Variants in SLC14A2 observed in about 807,000 individuals in gnomAD.
The protein encoded by SLC14A2 is urea transporter 2.
A neutral mutation model predicts 104.6 loss-of-function variants in SLC14A2; 91 were observed. That is an observed-to-expected ratio of 0.87 (90% CI 0.73 to 1.04). SLC14A2 has a LOEUF of 1.04. Ranked by LOEUF, SLC14A2 falls within the 50% of genes least tolerant of loss-of-function variation. The pLI is 0.00. For missense variants in SLC14A2, 1,189 were observed against 1,156.0 expected (o/e 1.03, Z -0.41); for synonymous variants, 476 against 466.4 (o/e 1.02, Z -0.27).
chr18:45,618,469 G>C (rs1003703645), intron 1 of SLC14A2, among the ~76,000 whole-genome samples: 13 of 151,984 alleles, frequency 8.6e-5, no homozygotes, highest in Non-Finnish European at 1.9e-4. Flanking sequence ...AGGAGTTCAG[G>C]ACCAGCCTGG....
chr18:45,238,782 C>T (rs981535975), intron 1 of SLC14A2, among the ~76,000 whole-genome samples: 1 of 152,138 alleles, frequency 6.6e-6, no homozygotes, highest in Non-Finnish European at 1.5e-5. Flanking sequence ...GGGATAGAGG[C>T]ACATTGTTGT....
chr18:45,489,947 T>C (rs998772212), intron 2 of SLC14A2: 3 of 151,984 alleles, frequency 2.0e-5, no homozygotes, highest in Non-Finnish European at 4.4e-5. Flanking sequence ...ACCTGACAGG[T>C]GAGGAAACTG....
intron 1 of SLC14A2, among the ~76,000 whole-genome samples, chr18:45,406,919 G>T (rs990811418): frequency 3.3e-5 from 5 of 152,196 alleles, no homozygotes; most frequent in Non-Finnish European, 5.9e-5. Flanking sequence ...AGGCTTTGTA[G>T]TTCCACTGAT....
intron 1 of SLC14A2, among the ~76,000 whole-genome samples, chr18:45,362,114 T>G (rs906127151): frequency 6.6e-6 from 1 of 152,262 alleles, no homozygotes; most frequent in Non-Finnish European, 1.5e-5. Flanking sequence ...TATCATGGTT[T>G]AAAAGTGTAG....
intron 1 of SLC14A2, among the ~76,000 whole-genome samples, chr18:45,301,214 C>T (rs146482781): frequency 1.8e-3 from 276 of 152,274 alleles, no homozygotes; most frequent in African/African-American, 6.2e-3. Context: ...TCAGTGAGGA[C>T]GAGGAACTCG....
At chr18:45,175,908 G>T in the SLC14A2 span, among the ~76,000 whole-genome samples, 2 of 152,168 alleles carry the variant, frequency 1.3e-5, no homozygotes, top group Non-Finnish European at 2.9e-5. Flanking sequence ...GGGGCTGATT[G>T]CTTCTTCAAG....
the SLC14A2 span, among the ~76,000 whole-genome samples, chr18:45,196,350 G>A: frequency 6.6e-6 from 1 of 152,172 alleles, no homozygotes; most frequent in African/African-American, 2.4e-5. Flanking sequence ...TCGCATGTAT[G>A]TACTAGGTCA....
chr18:45,438,525 AAGAG>A (rs746698131), intron 1 of SLC14A2, among the ~76,000 whole-genome samples: 5 of 152,150 alleles, frequency 3.3e-5, no homozygotes, highest in African/African-American at 4.8e-5. Context: ...GTGAGAGCAA[AAGAG>A]AGAGAGAAGG....
chr18:45,470,817 T>C (rs1021448644), intron 1 of SLC14A2, among the ~76,000 whole-genome samples: 3 of 152,172 alleles, frequency 2.0e-5, no homozygotes, highest in African/African-American at 7.2e-5. Context: ...CTTATACTTT[T>C]TAATAAACAT....
At chr18:45,213,678 T>G (rs1478779658) in intron 1 of SLC14A2, among the ~76,000 whole-genome samples, 2 of 152,182 alleles carry the variant, frequency 1.3e-5, no homozygotes, top group Non-Finnish European at 2.9e-5. Context: ...TAAATCTTAT[T>G]GATTGGTTAA....
At chr18:45,515,775 A>G (rs2043432025) in intron 2 of SLC14A2, among the ~76,000 whole-genome samples, 1 of 152,236 alleles carries the variant, frequency 6.6e-6, no homozygotes, top group Non-Finnish European at 1.5e-5. Context: ...TGGTGCAATC[A>G]TTGGGTTTGT....
At chr18:45,676,295 G>A (rs1012688332) in intron 18 of SLC14A2, among the ~76,000 whole-genome samples, 3 of 152,156 alleles carry the variant, frequency 2.0e-5, no homozygotes, top group African/African-American at 7.2e-5. Context: ...ACATAGGATC[G>A]GAGCAGGTGG....
chr18:45,418,496 T>A (rs1286517038), intron 1 of SLC14A2, among the ~76,000 whole-genome samples: 2 of 151,672 alleles, frequency 1.3e-5, no homozygotes, highest in Non-Finnish European at 2.9e-5. Flanking sequence ...GACATATGAG[T>A]GTTTGGTAGA....
chr18:45,356,109 TATC>T (rs1240895589), intron 1 of SLC14A2, among the ~76,000 whole-genome samples: 2 of 152,178 alleles, frequency 1.3e-5, no homozygotes, highest in Non-Finnish European at 2.9e-5. Flanking sequence ...CAGACTACCT[TATC>T]ATTGACTGAA....
chr18:45,347,961 C>T (rs892776519), intron 1 of SLC14A2, among the ~76,000 whole-genome samples: 2 of 152,192 alleles, frequency 1.3e-5, no homozygotes, highest in African/African-American at 2.4e-5. Context: ...TGTGAGCTCC[C>T]GAAAAAACCA....
At chr18:45,516,267 TTTCC>T (rs2043439694) in intron 2 of SLC14A2, among the ~76,000 whole-genome samples, 1 of 152,178 alleles carries the variant, frequency 6.6e-6, no homozygotes, top group Non-Finnish European at 1.5e-5. Flanking sequence ...CCCTTCTTCC[TTTCC>T]TTCCTTTCTC....
intron 18 of SLC14A2, among the ~76,000 whole-genome samples, chr18:45,674,533 C>A (rs2046194891): frequency 6.6e-6 from 1 of 152,008 alleles, no homozygotes; most frequent in South Asian, 2.1e-4. Context: ...AAGGGTAAAG[C>A]TGCTGTCTTT....
At chr18:45,390,934 GT>G (rs1207922447) in intron 1 of SLC14A2, among the ~76,000 whole-genome samples, 1 of 152,196 alleles carries the variant, frequency 6.6e-6, no homozygotes, top group African/African-American at 2.4e-5. Flanking sequence ...GATGTTTTAT[GT>G]TTTTTTATTA....
intron 1 of SLC14A2, among the ~76,000 whole-genome samples, chr18:45,400,287 G>A (rs184414224): frequency 6.6e-6 from 1 of 152,172 alleles, no homozygotes; most frequent in East Asian, 1.9e-4. Flanking sequence ...CTTTACTTGA[G>A]TCTCCTACTC....
Sources: gnomAD v4.1 joint callset for allele counts (sites outside exome capture counted in the v4.1 genomes callset) on GRCh38, gnomAD v4.1.1 for gene constraint, MANE v1.5 for transcripts, NCBI Gene and HGNC (gene_info 2026-07-23, HGNC 2026-07-21) for gene names.